RBL1: variants seen among roughly 807,000 people sequenced by gnomAD.
RBL1 encodes RB transcriptional corepressor like 1, also known as retinoblastoma-like protein 1.
RBL1 carries 82 observed loss-of-function variants against 123.0 expected under a neutral mutation model. The observed-to-expected ratio is 0.67, with a 90% CI of 0.56 to 0.80. The LOEUF is 0.80. RBL1 is among the 30% of genes least tolerant of loss of function. RBL1 has a pLI of 0.00. For missense variants in RBL1, 1,171 were observed against 1,299.6 expected, an observed-to-expected ratio of 0.90 and a Z score of 1.52; for synonymous variants, 405 against 441.3, an observed-to-expected ratio of 0.92 and a Z score of 1.03.
chr20:37,087,216 T>C (rs1307757711), intron 2 of RBL1, among the ~76,000 whole-genome samples: 1 of 151,982 alleles, frequency 6.6e-6, no homozygotes, highest in Non-Finnish European at 1.5e-5. Context: ...ATGCCTGTAG[T>C]CCCAGCTACT....
intron 19 of RBL1, 57 bp from the exon 20 acceptor site, chr20:37,007,616 A>T: frequency 6.5e-7 from 1 of 1,550,162 alleles, no homozygotes; most frequent in African/African-American, 1.4e-5. Flanking sequence ...TTTTTGAGAC[A>T]GGGTCTCACT....
intron 11 of RBL1, among the ~76,000 whole-genome samples, chr20:37,050,160 G>A (rs1438714203): frequency 1.3e-5 from 2 of 151,944 alleles, no homozygotes; most frequent in African/African-American, 2.4e-5. Flanking sequence ...ATCTAAATTA[G>A]TAACTTTAGA....
At chr20:37,051,976 T>C (rs556821009) in intron 11 of RBL1, among the ~76,000 whole-genome samples, 20 of 151,788 alleles carry the variant, frequency 1.3e-4, no homozygotes, top group Non-Finnish European at 2.8e-4. Flanking sequence ...AAACATCAGG[T>C]AGATGCAAAG....
intron 16 of RBL1, among the ~76,000 whole-genome samples, chr20:37,027,722 C>A (rs906733963): frequency 7.2e-5 from 11 of 152,142 alleles, no homozygotes; most frequent in African/African-American, 2.2e-4. Flanking sequence ...TGGTCATATG[C>A]TAATTTAAAG....
intron 19 of RBL1, among the ~76,000 whole-genome samples, chr20:37,013,585 TAAAAAAA>T (rs5841249): frequency 9.9e-6 from 1 of 101,438 alleles, no homozygotes; most frequent in African/African-American, 3.1e-5. Flanking sequence ...GAATGATCAA[TAAAAAAA>T]AAAAAAAAAA....
chr20:37,085,896 G>A lies in RBL1; in HGVS notation c.290+3093C>T, dbSNP rs1471897058. On this transcript the variant is annotated intron_variant, in intron 2 of 21. Transcript: ENST00000373664. The stretch of plus-strand genomic sequence containing the variant: ...GATCTCCTGACCTTGTGATCCACCC[G>A]GCTTGGTCTCCCAAAGTGCTGGGAC... Among the ~76,000 whole-genome samples the A allele has an allele frequency of 4.0e-5, 6 of 151,806 alleles. 1 individual carries two copies. Among genetic ancestry groups the A allele is most frequent in the Admixed American group, 2.6e-4 (4 of 15,234 alleles).
At chr20:37,041,294 GCACA>G (rs2064720657) in intron 13 of RBL1, among the ~76,000 whole-genome samples, 1 of 152,008 alleles carries the variant, frequency 6.6e-6, no homozygotes, top group African/African-American at 2.4e-5. Flanking sequence ...ACAACTCTGG[GCACA>G]CATTTTTAAT....
chr20:37,055,579 G>A lies in RBL1; in HGVS notation c.1441C>T (p.Arg481Ter), dbSNP rs772430380. 26 of 1,613,912 alleles carry A rather than the reference G, an allele frequency of 1.6e-5. No homozygotes were observed. Among genetic ancestry groups the A allele is most frequent in the Non-Finnish European group, 1.9e-5 (22 of 1,180,016 alleles). The change falls in exon 11 of 22, where the codon CGA (arginine) becomes TGA (stop). Residue 481 changes from arginine to a stop codon, truncating the protein, a stop_gained. Coordinates refer to ENST00000373664, the MANE Select transcript of RBL1 (RefSeq NM_002895.5). LOFTEE classifies it high-confidence loss of function. ...ILETVMVQET[R>*]RLHGMDMSVL... is the part of the protein sequence containing the mutation. ...GACATGTCCATTCCATGAAGTCTTC[G>A]TGTTTCCTGAACCATTACAGTCTCT... is the stretch of plus-strand genomic sequence containing the variant.
At chr20:37,054,111 C>T (rs1327811291) in intron 11 of RBL1, among the ~76,000 whole-genome samples, 1 of 151,778 alleles carries the variant, frequency 6.6e-6, no homozygotes, top group Non-Finnish European at 1.5e-5. Flanking sequence ...AAATTGTAAC[C>T]ATTAGGGAAA....
chr20:37,060,113 A>C (rs1198058890), intron 9 of RBL1, among the ~76,000 whole-genome samples: 2 of 152,090 alleles, frequency 1.3e-5, no homozygotes, highest in Non-Finnish European at 2.9e-5. Flanking sequence ...TGGAGGTTGC[A>C]GTGAGCCGAG....
chr20:37,093,286 G>C (rs1028829176), intron 1 of RBL1, among the ~76,000 whole-genome samples: 3 of 150,424 alleles, frequency 2.0e-5, no homozygotes, highest in African/African-American at 7.3e-5. Context: ...TTTAAAAAAA[G>C]AGGAAAATAA....
chr20:37,013,202 A>G (rs6124541), intron 19 of RBL1, among the ~76,000 whole-genome samples: 21,060 of 152,170 alleles, frequency 0.14, 2,167 homozygotes, highest in East Asian at 0.48. Flanking sequence ...GTCTGTGTAG[A>G]AAGAGGTAGA....
chr20:37,041,253 A>G (rs931322732), intron 13 of RBL1, among the ~76,000 whole-genome samples: 1 of 152,234 alleles, frequency 6.6e-6, no homozygotes, highest in Non-Finnish European at 1.5e-5. Context: ...ACAATTTCTC[A>G]CGATACTACT....
At position 37,055,770 on chromosome 20, in the gene RBL1, C is replaced by T. The variant is rs914987136; in HGVS notation, c.1364-114G>A. The T allele has an allele frequency of 4.8e-5, 51 of 1,063,870 alleles. 1 individual carries two copies. Among genetic ancestry groups the T allele is most frequent in the Admixed American group, 2.6e-4 (9 of 35,156 alleles). The allele number at this position is 1,063,870 out of a possible 1,614,324, so 65.9% of individuals were successfully genotyped here. ...ATACATTAAGAATAGCAGGGCAGGC[C>T]GGGAATGGTGGCTCACGCCTGTAAT... On this transcript the variant is annotated intron_variant, in intron 10 of 21. Coordinates refer to ENST00000373664, the MANE Select transcript of RBL1 (RefSeq NM_002895.5).
At chr20:37,045,719 A>C (rs1329933072) in intron 12 of RBL1, among the ~76,000 whole-genome samples, 2 of 152,252 alleles carry the variant, frequency 1.3e-5, no homozygotes, top group African/African-American at 4.8e-5. Context: ...TTAACATTAA[A>C]GTGAGTGTAT....
At chr20:37,039,068 T>C (rs1052066531) in intron 14 of RBL1, among the ~76,000 whole-genome samples, 3 of 152,158 alleles carry the variant, frequency 2.0e-5, no homozygotes, top group African/African-American at 7.2e-5. Flanking sequence ...CAGGAGATTT[T>C]AACTGATTTT....
Position 37,067,098 on chromosome 20 carries a change from C to CATCCCCAA in RBL1, c.572_579dup (p.Asp194LeufsTer5). On this transcript the variant is annotated frameshift_variant, in exon 5 of 22. Coordinates refer to ENST00000373664, the MANE Select transcript of RBL1 (RefSeq NM_002895.5). LOFTEE classifies it high-confidence loss of function. ...AGTAAATGATAAGAGTTTACTAAGT[C>CATCCCCAA]ATCCCCAATCATCCGAAAATTACCT... The CATCCCCAA allele has an allele frequency of 6.4e-7, 1 of 1,557,594 alleles. No individual in the cohort carries two copies. Among genetic ancestry groups the CATCCCCAA allele is most frequent in the Non-Finnish European group, 8.7e-7 (1 of 1,148,902 alleles).
intron 2 of RBL1, among the ~76,000 whole-genome samples, chr20:37,077,136 C>T (rs1299011147): frequency 6.6e-6 from 1 of 152,060 alleles, no homozygotes; most frequent in Non-Finnish European, 1.5e-5. Flanking sequence ...TGGGTTTCAC[C>T]ACATTGGTCA....
rs567408590 is a variant in RBL1, at chr20:37,020,916, C to T, written c.2560-186G>A. ...ACCTTTAAAGTTCAGGCTTTGTGGC[C>T]TGTGGGGACTCACTTAATAGTTTCA... On this transcript the variant is annotated intron_variant, in intron 17 of 21. Coordinates refer to ENST00000373664, the MANE Select transcript of RBL1 (RefSeq NM_002895.5). Among the ~76,000 whole-genome samples, 31 of 152,174 alleles carry T rather than the reference C, an allele frequency of 2.0e-4. 1 individual carries two copies. In the South Asian group the frequency reaches 6.4e-3, roughly 32 times the overall value.
Sources: allele counts gnomAD v4.1 joint callset (sites outside exome capture counted in the v4.1 genomes callset), GRCh38; gene constraint gnomAD v4.1.1; transcripts MANE v1.5; gene names NCBI Gene and HGNC (gene_info 2026-07-23, HGNC 2026-07-21).